MMP3: variants seen among roughly 807,000 people sequenced by gnomAD.
The protein encoded by MMP3 is matrix metallopeptidase 3.
In MMP3, 46 loss-of-function variants were observed where a neutral mutation model predicts 47.3. That is an observed-to-expected ratio of 0.97 (90% confidence interval 0.77 to 1.24). MMP3 has a LOEUF of 1.24. MMP3 is among the 50% of genes most tolerant of loss of function. The pLI is 0.00. For missense variants in MMP3, 558 were observed against 565.5 expected (o/e 0.99, Z 0.13); for synonymous variants, 216 against 206.5 (o/e 1.05, Z -0.39).
At position 102,837,415 on chromosome 11, in the gene MMP3, A is replaced by G. The variant is rs1358513930; in HGVS notation, c.1230-14T>C. ...TTCTCATCAAATCTGTACCAAGTAA[A>G]AGAAACAGCTCAGCATTGCATAGAG... On this transcript the variant is annotated splice_polypyrimidine_tract_variant and intron_variant, in intron 8 of 9. Coordinates refer to ENST00000299855, the MANE Select transcript of MMP3 (RefSeq NM_002422.5). The surrounding 1 kb of genome is among the most constrained non-coding windows in gnomAD (Gnocchi z 4.4). 1.9e-6 allele frequency: 3 copies of G among 1,594,372 alleles called. No individual in the cohort carries two copies. Among genetic ancestry groups the G allele is most frequent in the Non-Finnish European group, 2.6e-6 (3 of 1,162,548 alleles).
chr11:102,843,339 A>G (rs1859044669), intron 1 of MMP3, 103 bp downstream of exon 1: 2 of 796,932 alleles, frequency 2.5e-6, no homozygotes. Flanking sequence ...AACTGTTCCT[A>G]CACAGTAAGC....
In MMP3 at chr11:102,843,060, A is replaced by G. The variant is rs1859039233; in HGVS notation, c.106-144T>C. The G allele has an allele frequency of 2.2e-5, 16 of 726,392 alleles. No individual in the cohort carries two copies. The South Asian group carries it at 3.0e-4, about 13-fold the overall frequency. The allele number at this position is 726,392 out of a possible 1,614,324, so 45.0% of individuals were successfully genotyped here. On this transcript the variant is annotated intron_variant, in intron 1 of 9. Transcript: ENST00000299855. ...CTGAAATAATGGCAAATTTTATAATATGATACTAGCAACACAAATATTTAG... is the reference window on the plus strand; with the variant it reads ...CTGAAATAATGGCAAATTTTATAATGTGATACTAGCAACACAAATATTTAG...
chr11:102,840,224 G>A lies in MMP3; in HGVS notation c.819C>T (p.Pro273=), dbSNP rs145317831. The change falls in exon 6 of 10, where the codon CCC becomes CCT. Residue 273 remains proline, a synonymous_variant. Transcript: ENST00000299855. ...GAGGGACAGGTTCCGTGGGTACCAG[G>A]GGGGTCTCAGGGGAGTCAGGGGGAG... ...YGPPPDSPET[P]LVPTEPVPPE... The A allele has an allele frequency of 6.2e-7, 1 of 1,613,982 alleles. No individual in the cohort carries two copies. Among genetic ancestry groups the A allele is most frequent in the South Asian group, 1.1e-5 (1 of 91,044 alleles).
At chr11:102,841,487 A>T (rs1270765236) in intron 4 of MMP3, among the ~76,000 whole-genome samples, 3 of 152,202 alleles carry the variant, frequency 2.0e-5, no homozygotes, top group African/African-American at 7.2e-5. Flanking sequence ...TAAACCTCAG[A>T]CATAGTATTA....
At position 102,837,617 on chromosome 11, in the gene MMP3, T is replaced by C. The variant is rs1396402820; in HGVS notation, c.1230-216A>G. On this transcript the variant is annotated intron_variant, in intron 8 of 9. Transcript: ENST00000299855. This position sits in a 1 kb window ranked among gnomAD's most constrained non-coding sequence, Gnocchi z 4.4. The stretch of plus-strand genomic sequence containing the variant: ...ATCCGGAACAGGGGCCGCATCCTGC[T>C]GTATGTAGCACATGCTGTTTGTCAT... Among the ~76,000 whole-genome samples the C allele has an allele frequency of 6.6e-6, 1 of 152,164 alleles. No homozygotes were observed. Among genetic ancestry groups the C allele is most frequent in the Non-Finnish European group, 1.5e-5 (1 of 68,040 alleles).
At chr11:102,839,378 A>T in intron 6 of MMP3, 135 bp from the exon 7 acceptor site, 2 of 995,036 alleles carry the variant, frequency 2.0e-6, no homozygotes. Context: ...GAAATCAGGT[A>T]TATTGCCATT....
At position 102,840,099 on chromosome 11, in the gene MMP3, C is replaced by G; in HGVS notation, c.935+9G>C. ...AAAATGGTAGGAAAATATAATTTTT[C>G]AGCCTGACCTGTCTTTAAAGATCAG... On this transcript the variant is annotated intron_variant, in intron 6 of 9. Transcript: ENST00000299855. 1 of 1,597,698 alleles carries G rather than the reference C, an allele frequency of 6.3e-7. No homozygotes were observed. Among genetic ancestry groups the G allele is most frequent in the South Asian group, 1.1e-5 (1 of 88,234 alleles).
rs1195022030 is a variant in MMP3 at position 102,840,219 on chromosome 11, A to G, written c.824T>C (p.Val275Ala). 2 of 1,614,040 alleles carry G rather than the reference A, an allele frequency of 1.2e-6. No homozygotes were observed. Among genetic ancestry groups the G allele is most frequent in the Non-Finnish European group, 1.7e-6 (2 of 1,179,966 alleles). ...PPPDSPETPL[V>A]PTEPVPPEPG... ...TTCTGGAGGGACAGGTTCCGTGGGT[A>G]CCAGGGGGGTCTCAGGGGAGTCAGG... Residue 275 changes from valine to alanine, a missense_variant, in exon 6 of 10, where the codon GTA (valine) becomes GCA (alanine). By Grantham distance (64) the Val-to-Ala change is moderately conservative. Transcript: ENST00000299855.
chr11:102,836,286 A>T lies in MMP3; in HGVS notation c.1334-60T>A. 4 of 1,307,656 alleles carry T rather than the reference A, an allele frequency of 3.1e-6. No homozygotes were observed. In the South Asian group the frequency reaches 4.9e-5, roughly 16 times the overall value. 81.0% of individuals were successfully genotyped at this position (1,307,656 alleles called of 1,614,324 possible). ...TTTCCAAATAAAGACATTTGACAAT[A>T]TACAAAACTCAGAATCATAGAGAAC... On this transcript the variant is annotated intron_variant, in intron 9 of 9. Transcript: ENST00000299855. This position sits in a 1 kb window ranked among gnomAD's most constrained non-coding sequence, Gnocchi z 4.6.
In MMP3 at chr11:102,840,214, T is replaced by A. The variant is rs782178458; in HGVS notation, c.829A>T (p.Thr277Ser). 6 of 1,613,744 alleles carry A rather than the reference T, an allele frequency of 3.7e-6. No homozygotes were observed. The East Asian group carries it at 1.1e-4, about 30-fold the overall frequency. Residue 277 changes from threonine to serine, a missense_variant, in exon 6 of 10, where the codon ACG (threonine) becomes TCG (serine). Physicochemically the swap from Thr to Ser is moderately conservative, Grantham distance 58. Coordinates refer to ENST00000299855, the MANE Select transcript of MMP3 (RefSeq NM_002422.5). ...CCAGGTTCTGGAGGGACAGGTTCCG[T>A]GGGTACCAGGGGGGTCTCAGGGGAG... is the stretch of plus-strand genomic sequence containing the variant. Reference protein sequence around the residue: ...PDSPETPLVPTEPVPPEPGTP... With the variant: ...PDSPETPLVPSEPVPPEPGTP...
At position 102,836,406 on chromosome 11, in the gene MMP3, C is replaced by A; in HGVS notation, c.1334-180G>T. 1 of 669,886 alleles carries A rather than the reference C, an allele frequency of 1.5e-6. No homozygotes were observed. The highest frequency in any genetic ancestry group is 3.0e-5 in the East Asian group (1 of 33,348). The allele number at this position is 669,886 out of a possible 1,614,324, so 41.5% of individuals were successfully genotyped here. A position where few individuals can be genotyped will look rare whatever the true frequency, so the allele number is the denominator to read the frequency against. Reference sequence around the variant, plus strand: ...ATTTTCATTTATTTCTGCAACAACCCTATGAGGTTGTATGTCTAACTCCAT... The same window carrying A: ...ATTTTCATTTATTTCTGCAACAACCATATGAGGTTGTATGTCTAACTCCAT... On this transcript the variant is annotated intron_variant, in intron 9 of 9. Coordinates refer to ENST00000299855, the MANE Select transcript of MMP3 (RefSeq NM_002422.5). This position sits in a 1 kb window ranked among gnomAD's most constrained non-coding sequence, Gnocchi z 4.6.
Position 102,837,303 on chromosome 11 carries a change from T to A in MMP3, c.1328A>T (p.Glu443Val). Residue 443 changes from glutamate (E) to valine (V), a missense_variant, in exon 9 of 10, where the codon GAA becomes GTA. Physicochemically the swap from Glu to Val is moderately radical, Grantham distance 121. Coordinates refer to ENST00000299855, the MANE Select transcript of MMP3 (RefSeq NM_002422.5). The surrounding 1 kb of genome is among the most constrained non-coding windows in gnomAD (Gnocchi z 4.4). ...IDSKIDAVFE[E>V]FGFFYFFTGS... ...CACAGTAAGTATCCTCTTACCAAAT[T>A]CTTCAAAAACAGCATCAATCTTTGA... 1 of 1,612,380 alleles carries A rather than the reference T, an allele frequency of 6.2e-7. No individual in the cohort carries two copies. Among genetic ancestry groups the A allele is most frequent in the South Asian group, 1.1e-5 (1 of 91,004 alleles).
In MMP3 at chr11:102,836,023, C is replaced by G. The variant is rs782664180; in HGVS notation, c.*103G>C. On this transcript the variant is annotated 3_prime_UTR_variant, in exon 10 of 10. Transcript: ENST00000299855. The surrounding 1 kb of genome is among the most constrained non-coding windows in gnomAD (Gnocchi z 4.6). ...GTTCCCTTGAGTGTGACTCGAGTCA[C>G]AGCACAGGCAGGAGAAAACGAACAT... 1 of 855,874 alleles carries G rather than the reference C, an allele frequency of 1.2e-6. No homozygotes were observed. Among genetic ancestry groups the G allele is most frequent in the Non-Finnish European group, 1.9e-6 (1 of 526,920 alleles). The allele number at this position is 855,874 out of a possible 1,614,324, so 53.0% of individuals were successfully genotyped here. A position where few individuals can be genotyped will look rare whatever the true frequency, so the allele number is the denominator to read the frequency against.
At chr11:102,839,598 G>A (rs1305905581) in intron 6 of MMP3, among the ~76,000 whole-genome samples, 1 of 152,208 alleles carries the variant, frequency 6.6e-6, no homozygotes, top group Non-Finnish European at 1.5e-5. Flanking sequence ...TGTATGTGCT[G>A]TGTAAATATA....
chr11:102,839,463 A>G (rs1169349932), intron 6 of MMP3, among the ~76,000 whole-genome samples: 2 of 152,220 alleles, frequency 1.3e-5, no homozygotes, highest in African/African-American at 2.4e-5. Flanking sequence ...AATGTCTTCT[A>G]TGAAAGAAAA....
In MMP3 at chr11:102,836,736, C is replaced by A. The variant is rs954295076; in HGVS notation, c.1334-510G>T. On this transcript the variant is annotated intron_variant, in intron 9 of 9. Coordinates refer to ENST00000299855, the MANE Select transcript of MMP3 (RefSeq NM_002422.5). The surrounding 1 kb of genome is among the most constrained non-coding windows in gnomAD (Gnocchi z 4.6). ...CTCTGCAAACATGGTGATCAGGTTA[C>A]CTTTCAATAAAGATCATCAGCCTCC... is the stretch of plus-strand genomic sequence containing the variant. The A allele has an allele frequency of 1.1e-4, 32 of 293,450 alleles. No individual in the cohort carries two copies. The highest frequency in any genetic ancestry group is 1.8e-4 in the Admixed American group (4 of 21,704). The allele number at this position is 293,450 out of a possible 1,614,324, so 18.2% of individuals were successfully genotyped here. A position where few individuals can be genotyped will look rare whatever the true frequency, so the allele number is the denominator to read the frequency against.
At position 102,839,223 on chromosome 11, in the gene MMP3, A is replaced by G. The variant is rs782666264; in HGVS notation, c.956T>C (p.Leu319Pro). 2.0e-5 allele frequency: 32 copies of G among 1,613,948 alleles called. No homozygotes were observed. In the South Asian group the frequency reaches 3.4e-4, roughly 17 times the overall value. The stretch of plus-strand genomic sequence containing the variant: ...ATGCAATTCAGGTTCAAGCTTCCTG[A>G]GGGATTTGCGCCAAAAGTGCCTAAA... ...FKDRHFWRKS[L>P]RKLEPELHLI... Residue 319 changes from leucine to proline, a missense_variant, in exon 7 of 10, where the codon CTC becomes CCC. Leu to Pro is a moderately conservative substitution (Grantham distance 98). Transcript: ENST00000299855.
chr11:102,840,364 T>G lies in MMP3; in HGVS notation c.790+65A>C, dbSNP rs1858973085. On this transcript the variant is annotated intron_variant, in intron 5 of 9. Coordinates refer to ENST00000299855, the MANE Select transcript of MMP3 (RefSeq NM_002422.5). ...AAATCATAAATACTTTATGTAGCAT[T>G]TGAAAGCTCTTCTGAAGACCATCAT... 22 of 1,592,918 alleles carry G rather than the reference T, an allele frequency of 1.4e-5. 1 individual carries two copies. The South Asian group carries it at 2.1e-4, about 15-fold the overall frequency.
chr11:102,836,336 C>T lies in MMP3; in HGVS notation c.1334-110G>A, dbSNP rs1396473609. On this transcript the variant is annotated intron_variant, in intron 9 of 9. Coordinates refer to ENST00000299855, the MANE Select transcript of MMP3 (RefSeq NM_002422.5). The surrounding 1 kb of genome is among the most constrained non-coding windows in gnomAD (Gnocchi z 4.6). Reference sequence around the variant, plus strand: ...CTAAAAATAGAAAGTGTTTATAGAGCTTTACTTTATGTCAGGGACTATGCC... The same window carrying T: ...CTAAAAATAGAAAGTGTTTATAGAGTTTTACTTTATGTCAGGGACTATGCC... 4.8e-6 allele frequency: 4 copies of T among 831,632 alleles called. No homozygotes were observed. Among genetic ancestry groups the T allele is most frequent in the East Asian group, 2.5e-5 (1 of 39,384 alleles). The allele number at this position is 831,632 out of a possible 1,614,324, so 51.5% of individuals were successfully genotyped here. A position where few individuals can be genotyped will look rare whatever the true frequency, so the allele number is the denominator to read the frequency against.
Sources: gnomAD v4.1 joint callset for allele counts (sites outside exome capture counted in the v4.1 genomes callset) on GRCh38, gnomAD v4.1.1 for gene constraint, Gnocchi (gnomAD v3.1) non-coding constraint, MANE v1.5 for transcripts, NCBI Gene and HGNC (gene_info 2026-07-23, HGNC 2026-07-21) for gene names.